ZNF615: variants seen among roughly 807,000 people sequenced by gnomAD.
ZNF615 encodes zinc finger protein 615.
A neutral mutation model predicts 15.3 loss-of-function variants in ZNF615; 15 were observed. The ratio of observed to expected loss-of-function variants is 0.98; its 90% CI spans 0.66 to 1.51. The LOEUF (loss-of-function observed/expected upper bound fraction) is 1.51. Among genes scored for constraint, ZNF615 ranks in the 40% most tolerant of loss-of-function variants. The probability of loss-of-function intolerance (pLI) is 0.00; values close to 1 mark genes in which losing one functional copy is unlikely to be tolerated. For missense variants in ZNF615, 848 were observed against 895.9 expected (o/e 0.95, Z 0.68); for synonymous variants, 268 against 294.6 (o/e 0.91, Z 0.92).
intron 3 of ZNF615, 64 bp from the exon 4 acceptor site, chr19:52,002,345 G>A: frequency 6.2e-7 from 1 of 1,611,180 alleles, no homozygotes. Context: ...AGAATGTCAA[G>A]GAAGTCATTC....
intron 3 of ZNF615, among the ~76,000 whole-genome samples, chr19:52,002,884 T>G (rs2123069760): frequency 6.6e-6 from 1 of 151,884 alleles, no homozygotes; most frequent in South Asian, 2.1e-4. Context: ...TGGAGTGCAG[T>G]GGCACAATCT....
intron 5 of ZNF615, among the ~76,000 whole-genome samples, chr19:52,001,313 T>C (rs964271513): frequency 2.0e-5 from 3 of 151,752 alleles, no homozygotes; most frequent in Admixed American, 1.3e-4. Flanking sequence ...TAAACAAAGA[T>C]GAAATCTCAA....
intron 3 of ZNF615, 198 bp from the exon 4 acceptor site, chr19:52,002,479 G>T: frequency 1.3e-6 from 1 of 763,762 alleles, no homozygotes; most frequent in South Asian, 1.4e-5. Flanking sequence ...ATGTTGAAAA[G>T]TCAAAGAAAT....
At chr19:52,007,477 G>T in intron 1 of ZNF615, 147 bp from the exon 2 acceptor site, 1 of 384,658 alleles carries the variant, frequency 2.6e-6, no homozygotes. Context: ...CAAGACCAAG[G>T]GGTGATGGAA....
rs768562459 is a variant in ZNF615 at position 51,993,276 on chromosome 19, T to G, written c.1833A>C (p.Glu611Asp). The G allele has an allele frequency of 3.7e-6, 6 of 1,613,848 alleles. No homozygotes were observed. In the South Asian group the frequency reaches 6.6e-5, roughly 18 times the overall value. The change falls in exon 7 of 7, where the codon GAA becomes GAC. Residue 611 changes from glutamate (E) to aspartate (D), a missense_variant. Transcript: ENST00000598071. ...TCTTCATGGTGAAGCCCTTTCCACA[T>G]TCATTGCATATATAAGGTTTCTCCC... is the stretch of plus-strand genomic sequence containing the variant. ...HTGEKPYICN[E>D]CGKGFTMKST...
At position 52,002,161 on chromosome 19, in the gene ZNF615, C is replaced by A. The variant is rs1225834008; in HGVS notation, c.136G>T (p.Ala46Ser). The change falls in exon 4 of 7, where the codon GCA becomes TCA. Residue 46 changes from alanine to serine, a missense_variant. Coordinates refer to ENST00000598071, the MANE Select transcript of ZNF615 (RefSeq NM_001199324.2). Reference protein sequence around the residue: ...VMLENYSNLVAVGYQASKPDA... With the variant: ...VMLENYSNLVSVGYQASKPDA... Reference sequence around the variant, plus strand: ...ACAGGGCAGCTGTCCTCACCCACTGCCACCAGGTTGCTGTAGTTCTCCAAC... The same window carrying A: ...ACAGGGCAGCTGTCCTCACCCACTGACACCAGGTTGCTGTAGTTCTCCAAC... 1.2e-6 allele frequency: 2 copies of A among 1,614,188 alleles called. No homozygotes were observed. The highest frequency in any genetic ancestry group is 2.7e-5 in the African/African-American group (2 of 75,040).
intron 5 of ZNF615, among the ~76,000 whole-genome samples, chr19:52,001,435 T>C (rs754173861): frequency 2.6e-5 from 4 of 151,936 alleles, no homozygotes; most frequent in African/African-American, 9.7e-5. Flanking sequence ...CTGGCCAATA[T>C]GGTGAAACCC....
Position 51,991,434 on chromosome 19 carries a change from C to T in ZNF615, c.*1446G>A, listed in dbSNP as rs915222531. 13 of 152,136 alleles carry T rather than the reference C, an allele frequency of 8.5e-5. No individual in the cohort carries two copies. Among genetic ancestry groups the T allele is most frequent in the South Asian group, 4.1e-4 (2 of 4,826 alleles). 9.4% of individuals were successfully genotyped at this position (152,136 alleles called of 1,614,324 possible). A position where few individuals can be genotyped will look rare whatever the true frequency, so the allele number is the denominator to read the frequency against. Reference sequence around the variant, plus strand: ...GTGAATAAACAAATAGTGGTATATTCGTATCATAGATTATTAGTGGCCAAT... The same window carrying T: ...GTGAATAAACAAATAGTGGTATATTTGTATCATAGATTATTAGTGGCCAAT... On this transcript the variant is annotated 3_prime_UTR_variant, in exon 7 of 7. Transcript: ENST00000598071.
chr19:51,994,693 T>C lies in ZNF615; in HGVS notation c.416A>G (p.Asp139Gly). ...KGHFLLKQDC[D>G]TFDLHEKPLK... is the part of the protein sequence containing the mutation. ...AGGTTTTTCATGTAAGTCAAACGTA[T>C]CACAATCTTGCTTCAGCAGGAAATG... The change falls in exon 7 of 7, where the codon GAT (aspartate) becomes GGT (glycine). Residue 139 changes from aspartate (D) to glycine (G), a missense_variant. Asp to Gly is a moderately conservative substitution (Grantham distance 94). Coordinates refer to ENST00000598071, the MANE Select transcript of ZNF615 (RefSeq NM_001199324.2). 1.2e-6 allele frequency: 2 copies of C among 1,613,682 alleles called. No homozygotes were observed. Among genetic ancestry groups the C allele is most frequent in the Non-Finnish European group, 1.7e-6 (2 of 1,179,988 alleles).
intron 6 of ZNF615, among the ~76,000 whole-genome samples, chr19:51,995,047 G>T (rs987541253): frequency 6.6e-6 from 1 of 152,174 alleles, no homozygotes; most frequent in Non-Finnish European, 1.5e-5. Flanking sequence ...GTGATAAGGG[G>T]AGGGCAGTTT....
chr19:51,993,008 T>C lies in ZNF615; in HGVS notation c.2101A>G (p.Thr701Ala). 1 of 1,614,216 alleles carries C rather than the reference T, an allele frequency of 6.2e-7. No individual in the cohort carries two copies. The highest frequency in any genetic ancestry group is 1.3e-5 in the African/African-American group (1 of 75,052). ...YKCSDCGKAF[T>A]TKSGLNVHQR... ...TGAACATTGAGCCCTGATTTTGTAG[T>C]GAAGGCTTTCCCGCAGTCACTGCAT... is the stretch of plus-strand genomic sequence containing the variant. The change falls in exon 7 of 7, where the codon ACT (threonine) becomes GCT (alanine). Residue 701 changes from threonine (T) to alanine (A), a missense_variant. Thr to Ala is a moderately conservative substitution (Grantham distance 58, BLOSUM62 0). Transcript: ENST00000598071.
chr19:52,003,907 A>G lies in ZNF615; in HGVS notation c.-189-7T>C. ...TGTTCTCAGCACCTGTGGGCTGAAG[A>G]GCAAATTACTCTGAGTGGTACATTC... On this transcript the variant is annotated splice_polypyrimidine_tract_variant and splice_region_variant and intron_variant, in intron 2 of 6. Transcript: ENST00000598071. The G allele has an allele frequency of 7.3e-7, 1 of 1,377,564 alleles. No individual in the cohort carries two copies. Among genetic ancestry groups the G allele is most frequent in the Non-Finnish European group, 9.4e-7 (1 of 1,067,360 alleles). 85.3% of individuals were successfully genotyped at this position (1,377,564 alleles called of 1,614,324 possible).
In ZNF615 at chr19:52,003,655, C is replaced by T; in HGVS notation, c.15+42G>A. 5 of 1,560,284 alleles carry T rather than the reference C, an allele frequency of 3.2e-6. 1 individual carries two copies. The South Asian group carries it at 5.7e-5, about 18-fold the overall frequency. On this transcript the variant is annotated intron_variant, in intron 3 of 6. Transcript: ENST00000598071. Reference sequence around the variant, plus strand: ...TGATTTTTACAGGACTTTAAAAATACATTGGAGAATAAAGGAAAGAATAAA... The same window carrying T: ...TGATTTTTACAGGACTTTAAAAATATATTGGAGAATAAAGGAAAGAATAAA...
chr19:51,993,861 A>C lies in ZNF615; in HGVS notation c.1248T>G (p.Cys416Trp), dbSNP rs1290574337. The change falls in exon 7 of 7, where the codon TGT (cysteine) becomes TGG (tryptophan). Residue 416 changes from cysteine (C) to tryptophan (W), a missense_variant. Transcript: ENST00000598071. Reference sequence around the variant, plus strand: ...AGTGCTTCATTGAAAAGCCTTTTCCACATTCACTACATGTATATAATTTCT... The same window carrying C: ...AGTGCTTCATTGAAAAGCCTTTTCCCCATTCACTACATGTATATAATTTCT... ...TGEKLYTCSECGKGFSMKHCL... is the reference protein window; with the variant it reads ...TGEKLYTCSEWGKGFSMKHCL... The C allele has an allele frequency of 1.9e-6, 3 of 1,614,166 alleles. No individual in the cohort carries two copies. In the South Asian group the frequency reaches 3.3e-5, roughly 18 times the overall value.
In ZNF615 at chr19:51,993,298, T is replaced by C. The variant is rs1209412630; in HGVS notation, c.1811A>G (p.Glu604Gly). ...LIAHQRTHTG[E>G]KPYICNECGK... is the part of the protein sequence containing the mutation. Reference sequence around the variant, plus strand: ...ACATTCATTGCATATATAAGGTTTCTCCCCAGTATGAGTTCGCTGATGTGC... The same window carrying C: ...ACATTCATTGCATATATAAGGTTTCCCCCCAGTATGAGTTCGCTGATGTGC... The change falls in exon 7 of 7, where the codon GAG becomes GGG. Residue 604 changes from glutamate (E) to glycine (G), a missense_variant. By Grantham distance (98) the Glu-to-Gly change is moderately conservative (BLOSUM62 -2). Coordinates refer to ENST00000598071, the MANE Select transcript of ZNF615 (RefSeq NM_001199324.2). The C allele has an allele frequency of 6.2e-7, 1 of 1,614,170 alleles. No homozygotes were observed. The highest frequency in any genetic ancestry group is 8.5e-7 in the Non-Finnish European group (1 of 1,180,020).
Position 51,992,943 on chromosome 19 carries a change from A to G in ZNF615, c.2166T>C (p.Ser722=), listed in dbSNP as rs2086276677. 1 of 1,614,020 alleles carries G rather than the reference A, an allele frequency of 6.2e-7. No homozygotes were observed. Among genetic ancestry groups the G allele is most frequent in the Admixed American group, 1.7e-5 (1 of 59,994 alleles). ...AGTGCGCAAAAGCTTTCCCACAATC[A>G]CTACATCCATAGGGCCTCTCTCCTG... ...KHTGERPYGC[S]DCGKAFAHLS... is the part of the protein sequence containing the mutation. Residue 722 remains serine, a synonymous_variant, in exon 7 of 7, where the codon AGT becomes AGC. Coordinates refer to ENST00000598071, the MANE Select transcript of ZNF615 (RefSeq NM_001199324.2).
chr19:51,998,448 A>G (rs1220911709), intron 6 of ZNF615, among the ~76,000 whole-genome samples: 1 of 152,096 alleles, frequency 6.6e-6, no homozygotes, highest in Non-Finnish European at 1.5e-5. Context: ...CACAGTGCCA[A>G]CTCCTAACAC....
At chr19:51,995,490 A>T (rs1312984919) in intron 6 of ZNF615, among the ~76,000 whole-genome samples, 1 of 151,808 alleles carries the variant, frequency 6.6e-6, no homozygotes, top group Non-Finnish European at 1.5e-5. Context: ...GTATTAATTT[A>T]TTCTACAAAT....
At chr19:52,008,055 C>T in intron 1 of ZNF615, 86 bp downstream of exon 1, 1 of 1,287,550 alleles carries the variant, frequency 7.8e-7, no homozygotes, top group Non-Finnish European at 1.1e-6. Context: ...AGATACCAGT[C>T]CATCACCACT....
Sources: allele counts gnomAD v4.1 joint callset (sites outside exome capture counted in the v4.1 genomes callset), GRCh38; gene constraint gnomAD v4.1.1; transcripts MANE v1.5; gene names NCBI Gene and HGNC (gene_info 2026-07-23, HGNC 2026-07-21).